The following ZMYM2 variants were observed in gnomAD, a reference collection of about 807,000 sequenced individuals.
ZMYM2 encodes the protein zinc finger MYM-type protein 2.
In ZMYM2, 56 loss-of-function variants were observed where a neutral mutation model predicts 162.8. The observed-to-expected ratio is 0.34, with a 90% CI of 0.28 to 0.43. The LOEUF (loss-of-function observed/expected upper bound fraction) is 0.43, where lower values mean the gene tolerates loss of function less well. ZMYM2 is among the 20% of genes least tolerant of loss of function. The pLI is 1.00. For synonymous variants in ZMYM2, 510 were observed against 541.6 expected (o/e 0.94, Z 0.81); for missense variants, 1,275 against 1,621.8 (o/e 0.79, Z 3.67).
intron 19 of ZMYM2, among the ~76,000 whole-genome samples, chr13:20,065,767 C>T (rs1398652804): frequency 1.3e-5 from 2 of 152,142 alleles, no homozygotes; most frequent in Non-Finnish European, 2.9e-5. Context: ...CAGAGCAAGA[C>T]CTCTCCTCAA....
chr13:19,936,052 A>G, the ZMYM2 span, among the ~76,000 whole-genome samples: 1 of 152,216 alleles, frequency 6.6e-6, no homozygotes, highest in Non-Finnish European at 1.5e-5. Flanking sequence ...GAATCACGGA[A>G]TATCTAACTA....
At chr13:20,046,285 A>C (rs930078231) in intron 12 of ZMYM2, among the ~76,000 whole-genome samples, 1 of 151,738 alleles carries the variant, frequency 6.6e-6, no homozygotes, top group African/African-American at 2.4e-5. Flanking sequence ...GGTGGCTCAC[A>C]TCTTTAATCT....
chr13:20,026,345 A>G (rs1427751674), intron 7 of ZMYM2: 3 of 259,748 alleles, frequency 1.2e-5, no homozygotes, highest in African/African-American at 2.2e-5. Flanking sequence ...ACTTAACTCT[A>G]TGTAGGGATT....
At chr13:19,933,517 G>A in the ZMYM2 span, among the ~76,000 whole-genome samples, 2 of 151,916 alleles carry the variant, frequency 1.3e-5, no homozygotes, top group African/African-American at 4.8e-5. Flanking sequence ...ACTGATTTTT[G>A]TTCATATTTG....
At chr13:20,057,939 C>T (rs1955933924) in intron 14 of ZMYM2, among the ~76,000 whole-genome samples, 1 of 152,136 alleles carries the variant, frequency 6.6e-6, no homozygotes, top group South Asian at 2.1e-4. Context: ...ATATCTTCCA[C>T]TTATTTCAGA....
chr13:19,885,315 A>G, the ZMYM2 span, among the ~76,000 whole-genome samples: 1 of 152,178 alleles, frequency 6.6e-6, no homozygotes, highest in African/African-American at 2.4e-5. Context: ...TGATGCCTGA[A>G]AAGTGCTTAA....
chr13:19,962,813 C>T (rs1455753547), intron 2 of ZMYM2, among the ~76,000 whole-genome samples: 1 of 140,990 alleles, frequency 7.1e-6, no homozygotes, highest in Non-Finnish European at 1.5e-5. Context: ...CGTAAGCCAC[C>T]TTGCCCAGCC....
intron 11 of ZMYM2, among the ~76,000 whole-genome samples, chr13:20,036,377 A>G (rs1157055517): frequency 1.3e-5 from 2 of 152,084 alleles, no homozygotes; most frequent in East Asian, 1.9e-4. Flanking sequence ...TCAGTAGTCT[A>G]CATTGTTCCT....
intron 2 of ZMYM2, among the ~76,000 whole-genome samples, chr13:19,971,363 G>A (rs938277357): frequency 6.9e-6 from 1 of 144,602 alleles, no homozygotes; most frequent in East Asian, 2.1e-4. Flanking sequence ...CTCTGCCTCC[G>A]GGGTTGAAGC....
intron 7 of ZMYM2, 49 bp from the exon 8 acceptor site, chr13:20,026,563 T>C: frequency 6.6e-7 from 1 of 1,523,378 alleles, no homozygotes; most frequent in South Asian, 1.3e-5. Context: ...AATTCTTTTC[T>C]AGTTAAGTTG....
intron 10 of ZMYM2, among the ~76,000 whole-genome samples, chr13:20,032,952 A>G (rs1007441538): frequency 1.3e-5 from 2 of 152,118 alleles, no homozygotes; most frequent in Non-Finnish European, 2.9e-5. Context: ...CTGAAATTTC[A>G]TTTTAACAGT....
intron 12 of ZMYM2, among the ~76,000 whole-genome samples, chr13:20,046,581 ATGTGTGTGTG>A (rs1249162923): frequency 1.0e-4 from 12 of 117,514 alleles, no homozygotes; most frequent in African/African-American, 1.9e-4. Flanking sequence ...ATATATATAT[ATGTGTGTGTG>A]TGTGTGTGTG....
intron 2 of ZMYM2, among the ~76,000 whole-genome samples, chr13:19,981,758 T>C (rs1957349271): frequency 6.6e-6 from 1 of 152,240 alleles, no homozygotes; most frequent in African/African-American, 2.4e-5. Flanking sequence ...TTACTGTTTC[T>C]ACCAACTTGA....
chr13:19,937,686 G>C, the ZMYM2 span, among the ~76,000 whole-genome samples: 4 of 150,104 alleles, frequency 2.7e-5, no homozygotes, highest in Non-Finnish European at 4.4e-5. Flanking sequence ...TGTGCACAAC[G>C]TGCAGGTTTG....
chr13:19,976,251 C>G (rs1272755656), intron 2 of ZMYM2, among the ~76,000 whole-genome samples: 1 of 151,210 alleles, frequency 6.6e-6, no homozygotes. Flanking sequence ...TCACTTGAAC[C>G]TGGGAGGCAG....
At chr13:19,974,921 G>A (rs111831369) in intron 2 of ZMYM2, among the ~76,000 whole-genome samples, 1 of 152,074 alleles carries the variant, frequency 6.6e-6, no homozygotes, top group Non-Finnish European at 1.5e-5. Flanking sequence ...GTTAAGACTT[G>A]GTGGGCCTTT....
the ZMYM2 span, among the ~76,000 whole-genome samples, chr13:19,881,621 C>CAACAAAA: frequency 1.5e-4 from 23 of 150,542 alleles, no homozygotes; most frequent in African/African-American, 5.6e-4. Flanking sequence ...GACTCAGTCT[C>CAACAAAA]AATAAAAAAT....
chr13:20,016,139 T>C (rs1566302946), intron 6 of ZMYM2, among the ~76,000 whole-genome samples: 1 of 152,034 alleles, frequency 6.6e-6, no homozygotes, highest in Non-Finnish European at 1.5e-5. Context: ...TGCACTGTTT[T>C]GATTTCCTTC....
intron 2 of ZMYM2, among the ~76,000 whole-genome samples, chr13:19,975,464 T>G (rs1956699707): frequency 6.6e-6 from 1 of 152,342 alleles, no homozygotes; most frequent in African/African-American, 2.4e-5. Flanking sequence ...GCATAATGTT[T>G]TCAAAGTTCA....
Sources: allele counts gnomAD v4.1 joint callset (sites outside exome capture counted in the v4.1 genomes callset), GRCh38; gene constraint gnomAD v4.1.1; transcripts MANE v1.5; gene names NCBI Gene and HGNC (gene_info 2026-07-23, HGNC 2026-07-21).